Variants in CNTNAP5 observed in about 807,000 individuals in gnomAD.
The protein encoded by CNTNAP5 is contactin-associated protein-like 5.
Under a neutral mutation model 150.2 loss-of-function variants are expected in CNTNAP5, and 72 were observed. The ratio of observed to expected loss-of-function variants is 0.48; its 90% CI spans 0.40 to 0.58. The LOEUF (loss-of-function observed/expected upper bound fraction) is 0.58. Among genes scored for constraint, CNTNAP5 ranks in the 20% least tolerant of loss-of-function variants. The probability of loss-of-function intolerance (pLI) is 0.00; values close to 1 mark genes in which losing one functional copy is unlikely to be tolerated. For synonymous variants in CNTNAP5, 672 were observed against 619.8 expected (o/e 1.08, Z -1.25); for missense variants, 1,636 against 1,626.2 (o/e 1.01, Z -0.10).
intron 3 of CNTNAP5, among the ~76,000 whole-genome samples, chr2:124,391,457 A>G (rs540541480): frequency 6.6e-6 from 1 of 152,196 alleles, no homozygotes; most frequent in East Asian, 1.9e-4. Flanking sequence ...AACTCAGGTA[A>G]TAAAAAGAAG....
At chr2:124,664,292 C>T (rs1156248112) in intron 13 of CNTNAP5, among the ~76,000 whole-genome samples, 1 of 139,290 alleles carries the variant, frequency 7.2e-6, no homozygotes, top group Non-Finnish European at 1.5e-5. Flanking sequence ...CACTGCACTC[C>T]AGTCTGGGCG....
intron 8 of CNTNAP5, among the ~76,000 whole-genome samples, chr2:124,524,023 T>C (rs1353794722): frequency 6.6e-6 from 1 of 152,134 alleles, no homozygotes; most frequent in East Asian, 1.9e-4. Context: ...ATAACTTTGG[T>C]TGTGGTGTGT....
intron 3 of CNTNAP5, among the ~76,000 whole-genome samples, chr2:124,271,168 A>C (rs1426062438): frequency 6.6e-6 from 1 of 152,190 alleles, no homozygotes; most frequent in Non-Finnish European, 1.5e-5. Context: ...GGAAAAGATG[A>C]AAATGGTTTG....
intron 9 of CNTNAP5, among the ~76,000 whole-genome samples, chr2:124,526,138 C>G (rs1051347921): frequency 2.0e-5 from 3 of 152,150 alleles, no homozygotes; most frequent in African/African-American, 7.2e-5. Context: ...CAAAATGGCT[C>G]TCCTCCCTCA....
chr2:124,328,827 T>C (rs898848745), intron 3 of CNTNAP5, among the ~76,000 whole-genome samples: 3 of 152,154 alleles, frequency 2.0e-5, no homozygotes. Flanking sequence ...TTGTAGAAAC[T>C]GCTGGGGAAA....
chr2:124,897,934 CAA>C (rs1352084637), intron 21 of CNTNAP5, among the ~76,000 whole-genome samples: 4 of 118,788 alleles, frequency 3.4e-5, no homozygotes, highest in African/African-American at 1.4e-4. Context: ...AAGCAAATGC[CAA>C]GTGTGTGTGT....
At chr2:124,898,444 T>A (rs1038955463) in intron 21 of CNTNAP5, among the ~76,000 whole-genome samples, 1 of 151,530 alleles carries the variant, frequency 6.6e-6, no homozygotes, top group African/African-American at 2.4e-5. Flanking sequence ...TGTAAAACAA[T>A]TGCGAATGTG....
At chr2:124,640,193 AC>A (rs1678061522) in intron 12 of CNTNAP5, among the ~76,000 whole-genome samples, 1 of 151,974 alleles carries the variant, frequency 6.6e-6, no homozygotes, top group African/African-American at 2.4e-5. Context: ...CCACACCACT[AC>A]CCCCTAAGAC....
intron 14 of CNTNAP5, among the ~76,000 whole-genome samples, chr2:124,750,938 C>T (rs756605152): frequency 1.2e-4 from 17 of 140,908 alleles, no homozygotes; most frequent in Non-Finnish European, 2.4e-4. Context: ...GAGCCGAGAT[C>T]GCGCCACTGC....
intron 3 of CNTNAP5, among the ~76,000 whole-genome samples, chr2:124,299,482 T>C (rs1378168012): frequency 6.6e-6 from 1 of 152,198 alleles, no homozygotes; most frequent in African/African-American, 2.4e-5. Context: ...GATAATGGCC[T>C]CCAGCTCCAT....
At chr2:124,171,715 G>A (rs962943300) in intron 1 of CNTNAP5, among the ~76,000 whole-genome samples, 1 of 152,148 alleles carries the variant, frequency 6.6e-6, no homozygotes, top group Non-Finnish European at 1.5e-5. Flanking sequence ...TAAAGGCCAA[G>A]CTTTTTTTTG....
At chr2:124,123,223 G>T (rs1161567477) in intron 1 of CNTNAP5, among the ~76,000 whole-genome samples, 29 of 152,256 alleles carry the variant, frequency 1.9e-4, no homozygotes, top group Non-Finnish European at 1.5e-5. Context: ...ATTTCCAAAG[G>T]TCTTAGCAAA....
chr2:124,578,029 G>T (rs1696329185), intron 11 of CNTNAP5, among the ~76,000 whole-genome samples: 1 of 151,944 alleles, frequency 6.6e-6, no homozygotes, highest in South Asian at 2.1e-4. Flanking sequence ...GCTGAACATG[G>T]CCGGGCACGG....
intron 13 of CNTNAP5, among the ~76,000 whole-genome samples, chr2:124,721,471 G>A (rs953001620): frequency 7.5e-6 from 1 of 132,786 alleles, no homozygotes; most frequent in Non-Finnish European, 1.6e-5. Flanking sequence ...GACAGAGTGA[G>A]ACTCCATCTC....
chr2:124,203,211 C>A (rs548697008), intron 1 of CNTNAP5, among the ~76,000 whole-genome samples: 1 of 152,102 alleles, frequency 6.6e-6, no homozygotes, highest in African/African-American at 2.4e-5. Flanking sequence ...GGAATCAAAT[C>A]GTAAAACTTC....
chr2:124,899,961 C>G (rs962367603), intron 21 of CNTNAP5, among the ~76,000 whole-genome samples: 7 of 150,870 alleles, frequency 4.6e-5, no homozygotes, highest in African/African-American at 1.7e-4. Context: ...AATTATTTTA[C>G]TCTATACAGG....
At chr2:124,838,886 A>G (rs1461174517) in intron 19 of CNTNAP5, among the ~76,000 whole-genome samples, 1 of 152,148 alleles carries the variant, frequency 6.6e-6, no homozygotes, top group Non-Finnish European at 1.5e-5. Context: ...ACCATCTGCC[A>G]TATATCTTTC....
At chr2:124,856,140 G>A (rs188456975) in intron 19 of CNTNAP5, among the ~76,000 whole-genome samples, 1 of 151,320 alleles carries the variant, frequency 6.6e-6, no homozygotes, top group African/African-American at 2.4e-5. Flanking sequence ...ATTGTGTGTG[G>A]GGGTGTGTGT....
chr2:124,320,224 TA>T (rs1689065368), intron 3 of CNTNAP5, among the ~76,000 whole-genome samples: 1 of 152,202 alleles, frequency 6.6e-6, no homozygotes, highest in Non-Finnish European at 1.5e-5. Context: ...AGCATGTGGA[TA>T]TTTAATGGAA....
Sources: allele counts gnomAD v4.1 joint callset (sites outside exome capture counted in the v4.1 genomes callset), GRCh38; gene constraint gnomAD v4.1.1; transcripts MANE v1.5; gene names NCBI Gene and HGNC (gene_info 2026-07-23, HGNC 2026-07-21).